The following SLC14A2 variants were observed in gnomAD, a reference collection of about 807,000 sequenced individuals.
SLC14A2 encodes the protein solute carrier family 14 member 2.
Under a neutral mutation model 104.6 loss-of-function variants are expected in SLC14A2, and 91 were observed. The observed-to-expected ratio is 0.87, with a 90% CI of 0.73 to 1.04. SLC14A2 has a LOEUF of 1.04. SLC14A2 is among the 50% of genes least tolerant of loss of function. The probability of loss-of-function intolerance (pLI) is 0.00; values close to 1 mark genes in which losing one functional copy is unlikely to be tolerated. For synonymous variants in SLC14A2, 476 were observed against 466.4 expected (o/e 1.02, Z -0.27); for missense variants, 1,189 against 1,156.0 (o/e 1.03, Z -0.41).
At position 45,246,571 on chromosome 18, in the gene SLC14A2, T is replaced by C. The variant is rs189541326; in HGVS notation, c.-125+33380T>C. ...TGCAGAGTAGAAATAACTTTTGTTG[T>C]TGTTGTTGTTGTTGTTTTTGAGACA... On this transcript the variant is annotated intron_variant, in intron 1 of 20. Transcript: ENST00000586448. 9.9e-5 allele frequency among the ~76,000 whole-genome samples: 15 copies of C among 152,230 alleles called. No homozygotes were observed. The East Asian group carries it at 2.5e-3, about 26-fold the overall frequency.
At chr18:45,306,284 G>C (rs1470924407) in intron 1 of SLC14A2, among the ~76,000 whole-genome samples, 1 of 152,134 alleles carries the variant, frequency 6.6e-6, no homozygotes, top group African/African-American at 2.4e-5. Context: ...TTAAAACTAA[G>C]GGCCATAAAG....
chr18:45,174,199 G>A, the SLC14A2 span, among the ~76,000 whole-genome samples: 53 of 152,166 alleles, frequency 3.5e-4, no homozygotes, highest in Non-Finnish European at 6.0e-4. Flanking sequence ...CTGGAAGGGA[G>A]CATGTCATAG....
intron 1 of SLC14A2, among the ~76,000 whole-genome samples, chr18:45,294,506 C>T (rs1423887745): frequency 6.6e-6 from 1 of 152,176 alleles, no homozygotes; most frequent in Non-Finnish European, 1.5e-5. Flanking sequence ...TCTTCTAGAA[C>T]TATACAGATA....
chr18:45,643,861 A>G lies in SLC14A2; in HGVS notation c.1177-125A>G, dbSNP rs975454932. 7.4e-6 allele frequency: 6 copies of G among 813,148 alleles called. No homozygotes were observed. The African/African-American group carries it at 1.0e-4, about 14-fold the overall frequency. 50.4% of individuals were successfully genotyped at this position (813,148 alleles called of 1,614,324 possible). On this transcript the variant is annotated intron_variant, in intron 9 of 19. Transcript: ENST00000255226. The stretch of plus-strand genomic sequence containing the variant: ...ACTGTGACATTGCAAATCCAGGAAT[A>G]TCAATGCCTTCACTGGAGGGAGGAT...
At chr18:45,548,993 T>C (rs1310263317) in intron 2 of SLC14A2, among the ~76,000 whole-genome samples, 2 of 151,842 alleles carry the variant, frequency 1.3e-5, no homozygotes, top group Admixed American at 1.3e-4. Flanking sequence ...CCCCAGAGAG[T>C]AGACCAAGAG....
chr18:45,674,129 T>TAACC (rs1410841951), intron 18 of SLC14A2, among the ~76,000 whole-genome samples: 3 of 152,310 alleles, frequency 2.0e-5, no homozygotes, highest in Admixed American at 6.5e-5. Context: ...ATTCAAACAT[T>TAACC]AACCACAGAC....
chr18:45,346,184 G>T (rs550378734), intron 1 of SLC14A2, among the ~76,000 whole-genome samples: 1 of 151,992 alleles, frequency 6.6e-6, no homozygotes, highest in Non-Finnish European at 1.5e-5. Context: ...TTGAGTTGGA[G>T]TTGCTCTGGT....
intron 1 of SLC14A2, among the ~76,000 whole-genome samples, chr18:45,226,309 C>T (rs1024506106): frequency 3.9e-5 from 6 of 152,086 alleles, no homozygotes; most frequent in African/African-American, 1.5e-4. Context: ...CCCAGCCATC[C>T]CATTACTGGG....
chr18:45,513,353 T>C (rs1357979443), intron 2 of SLC14A2, among the ~76,000 whole-genome samples: 2 of 152,232 alleles, frequency 1.3e-5, no homozygotes, highest in Non-Finnish European at 2.9e-5. Context: ...TTTTAAGCCT[T>C]ATCGCCCAAT....
chr18:45,529,180 C>T (rs2043642979), intron 2 of SLC14A2: 1 of 152,186 alleles, frequency 6.6e-6, no homozygotes, highest in Non-Finnish European at 1.5e-5. Flanking sequence ...GTTGGTTAGG[C>T]AGCAATAACA....
At position 45,666,966 on chromosome 18, in the gene SLC14A2, T is replaced by C. The variant is rs559302410; in HGVS notation, c.1589T>C (p.Ile530Thr). 6.2e-7 allele frequency: 1 copy of C among 1,614,038 alleles called. No individual in the cohort carries two copies. Among genetic ancestry groups the C allele is most frequent in the Non-Finnish European group, 8.5e-7 (1 of 1,179,960 alleles). ...DLDTMEESSEIKVETNISKTS... is the reference protein window; with the variant it reads ...DLDTMEESSETKVETNISKTS... ...GACACCATGGAGGAGAGCTCTGAGA[T>C]AAAAGTGGAAACAAACATTTCCAAG... Residue 530 changes from isoleucine (I) to threonine (T), a missense_variant, in exon 13 of 20, where the codon ATA becomes ACA. Physicochemically the swap from Ile to Thr is moderately conservative, Grantham distance 89. Coordinates refer to ENST00000255226, the MANE Select transcript of SLC14A2 (RefSeq NM_007163.4).
intron 1 of SLC14A2, among the ~76,000 whole-genome samples, chr18:45,443,307 C>G (rs993668862): frequency 6.6e-6 from 1 of 152,162 alleles, no homozygotes; most frequent in Non-Finnish European, 1.5e-5. Context: ...GGAAAACTGT[C>G]TATTTTTATG....
At chr18:45,582,496 ATTC>A (rs2044507948) in intron 2 of SLC14A2, among the ~76,000 whole-genome samples, 1 of 152,160 alleles carries the variant, frequency 6.6e-6, no homozygotes, top group African/African-American at 2.4e-5. Flanking sequence ...ATAAAAAAAA[ATTC>A]ATTTCAAGTT....
intron 5 of SLC14A2, chr18:45,635,033 AG>A: frequency 2.9e-6 from 1 of 339,352 alleles, no homozygotes; most frequent in East Asian, 8.0e-5. Flanking sequence ...AACCAAGGAG[AG>A]GAAAAAAAAA....
intron 1 of SLC14A2, among the ~76,000 whole-genome samples, chr18:45,323,262 G>A (rs1391460970): frequency 2.6e-5 from 4 of 152,180 alleles, no homozygotes; most frequent in Non-Finnish European, 1.5e-5. Flanking sequence ...ACAGAACTAT[G>A]AAAAAGCAAA....
chr18:45,297,364 C>T (rs2084926775), intron 1 of SLC14A2, among the ~76,000 whole-genome samples: 1 of 152,208 alleles, frequency 6.6e-6, no homozygotes, highest in Non-Finnish European at 1.5e-5. Context: ...GGCATCAAAT[C>T]AGGCCAGATT....
At chr18:45,414,796 A>ATATATAT (rs1394511561) in intron 1 of SLC14A2, among the ~76,000 whole-genome samples, 1 of 130,062 alleles carries the variant, frequency 7.7e-6, no homozygotes, top group African/African-American at 2.8e-5. Context: ...ATATATATAT[A>ATATATAT]GAAAAGTACA....
upstream of SLC14A2, among the ~76,000 whole-genome samples, chr18:45,209,499 G>A (rs2083944537): frequency 6.6e-6 from 1 of 151,612 alleles, no homozygotes; most frequent in Admixed American, 6.6e-5. Context: ...GATAGAGAAT[G>A]CTGCATTTTC....
At chr18:45,408,207 C>G (rs2086177353) in intron 1 of SLC14A2, among the ~76,000 whole-genome samples, 1 of 152,142 alleles carries the variant, frequency 6.6e-6, no homozygotes, top group Non-Finnish European at 1.5e-5. Flanking sequence ...CTGGGGAAAT[C>G]AAGCTGGCAT....
Sources: allele counts gnomAD v4.1 joint callset (sites outside exome capture counted in the v4.1 genomes callset), GRCh38; gene constraint gnomAD v4.1.1; transcripts MANE v1.5; gene names NCBI Gene and HGNC (gene_info 2026-07-23, HGNC 2026-07-21).